PALM2AKAP2: variants seen among roughly 807,000 people sequenced by gnomAD.
PALM2AKAP2 encodes PALM2 and AKAP2 fusion.
Under a neutral mutation model 71.5 loss-of-function variants are expected in PALM2AKAP2, and 37 were observed. The ratio of observed to expected loss-of-function variants is 0.52; its 90% CI spans 0.40 to 0.68. The LOEUF is 0.68. Ranked by LOEUF, PALM2AKAP2 falls within the 30% of genes least tolerant of loss-of-function variation. PALM2AKAP2 has a pLI of 0.00. For synonymous variants in PALM2AKAP2, 468 were observed against 478.8 expected, an observed-to-expected ratio of 0.98 and a Z score of 0.29; for missense variants, 1,224 against 1,191.8, an observed-to-expected ratio of 1.03 and a Z score of -0.40.
chr9:109,779,905 C>T (rs566719139), upstream of PALM2AKAP2, among the ~76,000 whole-genome samples: 24 of 152,280 alleles, frequency 1.6e-4, no homozygotes, highest in South Asian at 5.0e-3. Context: ...TCTCCACTGG[C>T]ATCTGCCCGG....
chr9:110,167,479 C>CCA (rs59534644), intron 3 of PALM2AKAP2, among the ~76,000 whole-genome samples: 79,123 of 151,916 alleles, frequency 0.52, 21,017 homozygotes, highest in East Asian at 0.86. Flanking sequence ...GGAATCTCTT[C>CCA]TTGATCAAAC....
intron 1 of PALM2AKAP2, among the ~76,000 whole-genome samples, chr9:110,124,595 G>A (rs977714340): frequency 7.9e-5 from 12 of 152,170 alleles, no homozygotes; most frequent in African/African-American, 2.7e-4. Context: ...TGATAAACAC[G>A]CCAACTCCCT....
At chr9:109,783,838 A>G (rs150102897) in intron 1 of PALM2AKAP2, among the ~76,000 whole-genome samples, 10 of 152,294 alleles carry the variant, frequency 6.6e-5, no homozygotes, top group Non-Finnish European at 1.3e-4. Context: ...TTTTGCACAT[A>G]ATTTCTTGAA....
intron 3 of PALM2AKAP2, among the ~76,000 whole-genome samples, chr9:109,892,310 T>G (rs1272973904): frequency 1.3e-5 from 2 of 152,200 alleles, no homozygotes; most frequent in South Asian, 2.1e-4. Context: ...CTTGTCTCTG[T>G]GTCTTCTCCT....
chr9:110,021,075 C>T (rs1373326293), intron 7 of PALM2AKAP2, among the ~76,000 whole-genome samples: 1 of 152,192 alleles, frequency 6.6e-6, no homozygotes, highest in African/African-American at 2.4e-5. Context: ...CACTGCACTC[C>T]AGCCTGGGTG....
intron 3 of PALM2AKAP2, among the ~76,000 whole-genome samples, chr9:109,906,509 A>T (rs1253261738): frequency 6.6e-6 from 1 of 152,190 alleles, no homozygotes; most frequent in Non-Finnish European, 1.5e-5. Context: ...ATAGTTTTAC[A>T]CTTTAATATT....
chr9:109,758,301 G>A (rs965193770), intron 1 of PALM2AKAP2, among the ~76,000 whole-genome samples: 5 of 152,008 alleles, frequency 3.3e-5, no homozygotes, highest in Non-Finnish European at 5.9e-5. Flanking sequence ...GAAATAGTAC[G>A]ACAGTGAATA....
At chr9:109,713,841 C>T (rs1055330893) in intron 1 of PALM2AKAP2, among the ~76,000 whole-genome samples, 1 of 152,130 alleles carries the variant, frequency 6.6e-6, no homozygotes, top group Non-Finnish European at 1.5e-5. Flanking sequence ...GATATTTTTA[C>T]ATATTACATT....
intron 3 of PALM2AKAP2, among the ~76,000 whole-genome samples, chr9:109,888,314 C>G (rs1830011491): frequency 6.6e-6 from 1 of 152,152 alleles, no homozygotes; most frequent in Non-Finnish European, 1.5e-5. Flanking sequence ...AGTGTCCTCG[C>G]CTGTACATTG....
chr9:109,929,271 T>C (rs889281791), intron 5 of PALM2AKAP2, among the ~76,000 whole-genome samples: 28 of 152,144 alleles, frequency 1.8e-4, no homozygotes, highest in Middle Eastern at 3.4e-3. Context: ...GCCTCCATCT[T>C]ATTTGAATGC....
At chr9:109,978,296 C>A (rs1832206970) in intron 6 of PALM2AKAP2, among the ~76,000 whole-genome samples, 1 of 152,114 alleles carries the variant, frequency 6.6e-6, no homozygotes, top group East Asian at 1.9e-4. Context: ...CAGCAGGAGG[C>A]ATAGCAAATA....
chr9:109,677,106 G>A (rs1827658038), intron 1 of PALM2AKAP2, among the ~76,000 whole-genome samples: 1 of 152,084 alleles, frequency 6.6e-6, no homozygotes, highest in Admixed American at 6.6e-5. Flanking sequence ...GATCAAGGGA[G>A]GTTTTTATTG....
At chr9:109,840,501 G>T (rs150261921) in intron 1 of PALM2AKAP2, among the ~76,000 whole-genome samples, 4 of 152,172 alleles carry the variant, frequency 2.6e-5, no homozygotes, top group Non-Finnish European at 4.4e-5. Flanking sequence ...GGCAACAGAA[G>T]CCAAAATTGA....
At chr9:109,704,721 C>G (rs1297891909) in intron 1 of PALM2AKAP2, among the ~76,000 whole-genome samples, 7 of 152,162 alleles carry the variant, frequency 4.6e-5, no homozygotes, top group African/African-American at 1.7e-4. Flanking sequence ...TCTACCTTCC[C>G]CATTGCTGCC....
chr9:109,980,506 G>T (rs10980133), intron 6 of PALM2AKAP2, among the ~76,000 whole-genome samples: 2 of 151,948 alleles, frequency 1.3e-5, no homozygotes. Flanking sequence ...AGGCCTCATC[G>T]TACACCAGCT....
intron 1 of PALM2AKAP2, among the ~76,000 whole-genome samples, chr9:110,124,863 T>A (rs901806428): frequency 2.0e-5 from 3 of 152,146 alleles, no homozygotes; most frequent in Non-Finnish European, 4.4e-5. Context: ...AAAAAGTGCT[T>A]GTGAAATGAT....
intron 6 of PALM2AKAP2, among the ~76,000 whole-genome samples, chr9:109,989,843 A>G (rs985689152): frequency 6.6e-6 from 1 of 152,218 alleles, no homozygotes. Flanking sequence ...CCACGTGGGC[A>G]TGTAGGTCAC....
intron 6 of PALM2AKAP2, among the ~76,000 whole-genome samples, chr9:109,994,896 C>T (rs1409143361): frequency 6.6e-6 from 1 of 152,150 alleles, no homozygotes; most frequent in Non-Finnish European, 1.5e-5. Flanking sequence ...GTCAGGGGCT[C>T]TCTTGTTCTA....
At chr9:109,797,624 C>T (rs1339706571) in intron 1 of PALM2AKAP2, among the ~76,000 whole-genome samples, 1 of 152,248 alleles carries the variant, frequency 6.6e-6, no homozygotes, top group African/African-American at 2.4e-5. Flanking sequence ...TCTGCAGAAG[C>T]CGTCCGTCAC....
Sources: gnomAD v4.1 joint callset for allele counts (sites outside exome capture counted in the v4.1 genomes callset) on GRCh38, gnomAD v4.1.1 for gene constraint, MANE v1.5 for transcripts, NCBI Gene and HGNC (gene_info 2026-07-23, HGNC 2026-07-21) for gene names.